PDGFB: variants seen among roughly 807,000 people sequenced by gnomAD.
The protein encoded by PDGFB is platelet-derived growth factor subunit B.
Under a neutral mutation model 29.0 loss-of-function variants are expected in PDGFB, and 6 were observed. The ratio of observed to expected loss-of-function variants is 0.21; its 90% CI spans 0.11 to 0.41. The LOEUF is 0.41. PDGFB is among the 10% of genes least tolerant of loss of function. The pLI is 1.00. For synonymous variants in PDGFB, 144 were observed against 140.8 expected, an observed-to-expected ratio of 1.02 and a Z score of -0.16; for missense variants, 299 against 341.8, an observed-to-expected ratio of 0.87 and a Z score of 0.99.
At position 39,231,905 on chromosome 22, in the gene PDGFB, G is replaced by A. The variant is rs1269487065; in HGVS notation, c.251-78C>T. 23 of 1,274,964 alleles carry A rather than the reference G, an allele frequency of 1.8e-5. No homozygotes were observed. The highest frequency in any genetic ancestry group is 2.4e-5 in the Non-Finnish European group (22 of 913,256). The allele number at this position is 1,274,964 out of a possible 1,614,324, so 79.0% of individuals were successfully genotyped here. A position where few individuals can be genotyped will look rare whatever the true frequency, so the allele number is the denominator to read the frequency against. ...CACTTGGCAGGGGAGCTCAGCGGGT[G>A]CCTCCGGGACTGCTCTTTCTCACGC... On this transcript the variant is annotated intron_variant, in intron 3 of 6. Transcript: ENST00000331163. This position sits in a 1 kb window ranked among gnomAD's most constrained non-coding sequence, Gnocchi z 4.3.
rs1467551370 is a variant in PDGFB, at chr22:39,225,260, T to C, written c.*82A>G. On this transcript the variant is annotated 3_prime_UTR_variant, in exon 7 of 7. Transcript: ENST00000331163. ...GACAGACGGACGAGGGAAACAATAT[T>C]ATCACTCCAAGGACCCCATGGGGGC... 1 of 152,620 alleles carries C rather than the reference T, an allele frequency of 6.6e-6. No homozygotes were observed. Among genetic ancestry groups the C allele is most frequent in the Non-Finnish European group, 1.5e-5 (1 of 68,324 alleles). The allele number at this position is 152,620 out of a possible 1,614,324, so 9.5% of individuals were successfully genotyped here.
chr22:39,229,969 T>G (rs2146436179), intron 5 of PDGFB, 115 bp downstream of exon 5: 1 of 1,209,208 alleles, frequency 8.3e-7, no homozygotes, highest in Non-Finnish European at 1.2e-6. Flanking sequence ...AAAGAAAGCC[T>G]CCCGTGAATT....
Position 39,243,258 on chromosome 22 carries a change from CTCT to C in PDGFB, c.63+640_63+642del, listed in dbSNP as rs913569895. Among the ~76,000 whole-genome samples the C allele has an allele frequency of 6.5e-3, 212 of 32,740 alleles. No individual in the cohort carries two copies. Among genetic ancestry groups the C allele is most frequent in the Non-Finnish European group, 5.8e-3 (60 of 10,388 alleles). 21.5% of individuals were successfully genotyped at this position (32,740 alleles called of 152,430 possible). A position where few individuals can be genotyped will look rare whatever the true frequency, so the allele number is the denominator to read the frequency against. On this transcript the variant is annotated intron_variant, in intron 1 of 6. Coordinates refer to ENST00000331163, the MANE Select transcript of PDGFB (RefSeq NM_002608.4). The surrounding 1 kb of genome is among the most constrained non-coding windows in gnomAD (Gnocchi z 6.4). ...TCTCTCCGTCTCTCTCTCCGTCTCT[CTCT>C]CTCTCTCTCTCTTTCTCTCTCTCTC...
At chr22:39,234,692 G>A (rs938632079) in intron 2 of PDGFB, among the ~76,000 whole-genome samples, 1 of 152,228 alleles carries the variant, frequency 6.6e-6, no homozygotes, top group Non-Finnish European at 1.5e-5. Context: ...GTGGGGAGGA[G>A]ATGGGGAAAA....
In PDGFB at chr22:39,224,273, T is replaced by C. The variant is rs1268543549; in HGVS notation, c.*1069A>G. The C allele has an allele frequency of 2.0e-5, 3 of 152,170 alleles. No individual in the cohort carries two copies. Among genetic ancestry groups the C allele is most frequent in the Non-Finnish European group, 2.9e-5 (2 of 68,038 alleles). 9.4% of individuals were successfully genotyped at this position (152,170 alleles called of 1,614,324 possible). On this transcript the variant is annotated 3_prime_UTR_variant, in exon 7 of 7. Coordinates refer to ENST00000331163, the MANE Select transcript of PDGFB (RefSeq NM_002608.4). ...CTCTTTACCTACATCTGCCAGAAAT[T>C]GTCATAATAAATATACAAATCAGCT...
At chr22:39,227,503 G>C (rs995031236) in intron 5 of PDGFB, among the ~76,000 whole-genome samples, 1 of 152,202 alleles carries the variant, frequency 6.6e-6, no homozygotes, top group African/African-American at 2.4e-5. Flanking sequence ...CCATGTACCT[G>C]GTGCTGTTCT....
At position 39,243,804 on chromosome 22, in the gene PDGFB, G is replaced by A. The variant is rs530351927; in HGVS notation, c.63+97C>T. The A allele has an allele frequency of 9.3e-6, 9 of 965,348 alleles. No individual in the cohort carries two copies. In the Admixed American group the frequency reaches 2.2e-4, roughly 24 times the overall value. 59.8% of individuals were successfully genotyped at this position (965,348 alleles called of 1,614,324 possible). On this transcript the variant is annotated intron_variant, in intron 1 of 6. Transcript: ENST00000331163. This position sits in a 1 kb window ranked among gnomAD's most constrained non-coding sequence, Gnocchi z 6.4. ...CCGGCGTCAGGCTCGCGGGCTGCAA[G>A]GGTCCAAAGTTCACTGCAGGGAGAG...
In PDGFB at chr22:39,225,840, C is replaced by A; in HGVS notation, c.609G>T (p.Thr203=). The part of the protein sequence containing the change: ...PGGSQEQRAK[T]PQTRVTIRTV... ...TCCGAATGGTCACCCGAGTTTGGGG[C>A]GTTTTGGCTGCACAAGAAAAAGAAA... The change falls in exon 6 of 7, where the codon ACG becomes ACT. Residue 203 remains threonine, a synonymous_variant. Coordinates refer to ENST00000331163, the MANE Select transcript of PDGFB (RefSeq NM_002608.4). 2 of 1,611,090 alleles carry A rather than the reference C, an allele frequency of 1.2e-6. No individual in the cohort carries two copies. Among genetic ancestry groups the A allele is most frequent in the Admixed American group, 1.7e-5 (1 of 59,740 alleles).
At position 39,243,709 on chromosome 22, in the gene PDGFB, C is replaced by T. The variant is rs1284575035; in HGVS notation, c.63+192G>A. Among the ~76,000 whole-genome samples, 14 of 152,170 alleles carry T rather than the reference C, an allele frequency of 9.2e-5. No homozygotes were observed. The highest frequency in any genetic ancestry group is 7.3e-5 in the Non-Finnish European group (5 of 68,036). On this transcript the variant is annotated intron_variant, in intron 1 of 6. Transcript: ENST00000331163. This position sits in a 1 kb window ranked among gnomAD's most constrained non-coding sequence, Gnocchi z 6.4. Reference sequence around the variant, plus strand: ...CGCCCGCCGGTTGGAAAGAAAGCCACCGCTGTTGCCTTCCCTTAGAGCCTG... The same window carrying T: ...CGCCCGCCGGTTGGAAAGAAAGCCATCGCTGTTGCCTTCCCTTAGAGCCTG...
chr22:39,229,954 G>A (rs117772734), intron 5 of PDGFB, 130 bp downstream of exon 5: 1 of 1,099,924 alleles, frequency 9.1e-7, no homozygotes, highest in Non-Finnish European at 1.3e-6. Flanking sequence ...GTCTCAGCAA[G>A]ATGAAAAGAA....
chr22:39,230,958 C>G (rs1932288408), intron 4 of PDGFB, among the ~76,000 whole-genome samples: 1 of 152,226 alleles, frequency 6.6e-6, no homozygotes, highest in South Asian at 2.1e-4. Context: ...TAGGGTGAGA[C>G]CAGGGTGCTC....
intron 2 of PDGFB, 107 bp from the exon 3 acceptor site, chr22:39,233,631 A>C (rs1481750287): frequency 1.5e-6 from 1 of 661,462 alleles, no homozygotes; most frequent in Non-Finnish European, 2.5e-6. Flanking sequence ...CCCACTCCAG[A>C]GAACAGTCCC....
chr22:39,240,857 G>A, intron 1 of PDGFB: 1 of 1,613,718 alleles, frequency 6.2e-7, no homozygotes, highest in Non-Finnish European at 8.5e-7. Context: ...GTACTTACGA[G>A]GCCCATGATA....
chr22:39,228,893 A>AAAAAAAAATATATATATATATAT, intron 5 of PDGFB, among the ~76,000 whole-genome samples: 2 of 132,622 alleles, frequency 1.5e-5, no homozygotes, highest in South Asian at 4.9e-4. Flanking sequence ...CCTCAAAAAA[A>AAAAAAAAATATATATATATATAT]ATATATATAT....
At chr22:39,227,430 C>G (rs9622977) in intron 5 of PDGFB, among the ~76,000 whole-genome samples, 1 of 152,248 alleles carries the variant, frequency 6.6e-6, no homozygotes, top group Non-Finnish European at 1.5e-5. Context: ...GACAGCAGCC[C>G]TGGCCTCCTA....
chr22:39,241,396 T>G (rs1171728533), intron 1 of PDGFB, among the ~76,000 whole-genome samples: 1 of 152,230 alleles, frequency 6.6e-6, no homozygotes, highest in East Asian at 1.9e-4. Flanking sequence ...TCCATCCCCA[T>G]GCAGGTCCCC....
chr22:39,231,463 A>G lies in PDGFB; in HGVS notation c.456+159T>C, dbSNP rs544997335. ...TCCACCTGCCTAGGAAGAGCTTCCC[A>G]AGAGTGGGCCTCTCTGGACAGAGCC... On this transcript the variant is annotated intron_variant, in intron 4 of 6. Transcript: ENST00000331163. The surrounding 1 kb of genome is among the most constrained non-coding windows in gnomAD (Gnocchi z 4.3). 9.5e-4 allele frequency among the ~76,000 whole-genome samples: 145 copies of G among 151,900 alleles called. No individual in the cohort carries two copies. The highest frequency in any genetic ancestry group is 3.1e-3 in the African/African-American group (127 of 41,404).
chr22:39,230,014 T>G (rs1412379890), intron 5 of PDGFB, 70 bp downstream of exon 5: 4 of 1,548,782 alleles, frequency 2.6e-6, no homozygotes, highest in Non-Finnish European at 3.5e-6. Context: ...TTTCCATTTT[T>G]AAGACCGGCC....
chr22:39,239,588 G>A (rs1427190980), intron 1 of PDGFB, among the ~76,000 whole-genome samples: 1 of 152,160 alleles, frequency 6.6e-6, no homozygotes, highest in African/African-American at 2.4e-5. Context: ...TCACTTCAGA[G>A]ATGGGAAAGG....
Sources: allele counts gnomAD v4.1 joint callset (sites outside exome capture counted in the v4.1 genomes callset), GRCh38; gene constraint gnomAD v4.1.1; non-coding constraint Gnocchi (gnomAD v3.1); transcripts MANE v1.5; gene names NCBI Gene and HGNC (gene_info 2026-07-23, HGNC 2026-07-21).